Variants in MYO15B observed in about 807,000 individuals in gnomAD.
The protein encoded by MYO15B is myosin XVB.
MYO15B carries 207 observed loss-of-function variants against 119.3 expected under a neutral mutation model. The ratio of observed to expected loss-of-function variants is 1.73; its 90% CI spans 1.55 to 1.95. The LOEUF (loss-of-function observed/expected upper bound fraction) is 1.95, where lower values mean the gene tolerates loss of function less well. Ranked by LOEUF, MYO15B falls within the 30% of genes most tolerant of loss-of-function variation. The pLI is 0.00. For missense variants in MYO15B, 2,264 were observed against 1,203.1 expected (o/e 1.88, Z -13.04); for synonymous variants, 966 against 498.9 (o/e 1.94, Z -12.48).
At chr17:75,620,739 C>A (rs1199306349) in intron 49 of MYO15B, 103 bp downstream of exon 49, 4 of 695,560 alleles carry the variant, frequency 5.8e-6, no homozygotes, top group Non-Finnish European at 1.1e-5. Flanking sequence ...TGGGACCACC[C>A]TGCTGTCCGT....
chr17:75,618,097 G>A (rs1167240465), intron 42 of MYO15B, 29 bp from the exon 43 acceptor site: 26 of 702,828 alleles, frequency 3.7e-5, no homozygotes, highest in South Asian at 2.7e-4. Flanking sequence ...CAGACCCACC[G>A]ATCTTTGCCC....
rs2058917371 is a variant in MYO15B, at chr17:75,624,657, G to A, written c.8542+18G>A. 4.3e-6 allele frequency: 3 copies of A among 703,016 alleles called. No individual in the cohort carries two copies. Among genetic ancestry groups the A allele is most frequent in the East Asian group, 5.4e-5 (2 of 37,286 alleles). The allele number at this position is 703,016 out of a possible 1,614,324, so 43.5% of individuals were successfully genotyped here. The stretch of plus-strand genomic sequence containing the variant: ...AGAGAAGAGTAAGCTTGGGGACGGA[G>A]CCTCACGGTGGGGCCACTCCCCTGC... On this transcript the variant is annotated intron_variant, in intron 58 of 63. Transcript: ENST00000645453.
intron 52 of MYO15B, chr17:75,621,771 TGGAA>T: frequency 1.7e-6 from 1 of 601,038 alleles, no homozygotes. Context: ...AGTCTGGGGT[TGGAA>T]GGCAGTCCAT....
At chr17:75,617,779 C>A (rs1363328485) in intron 41 of MYO15B, 31 bp from the exon 42 acceptor site, 1 of 690,612 alleles carries the variant, frequency 1.4e-6, no homozygotes, top group Admixed American at 2.0e-5. Context: ...CAGCCCCTCA[C>A]TGAGGCTCCT....
At chr17:75,596,323 T>G in intron 12 of MYO15B, 137 bp from the exon 13 acceptor site, 2 of 618,580 alleles carry the variant, frequency 3.2e-6, no homozygotes, top group Non-Finnish European at 5.8e-6. Context: ...CCGGATCCTT[T>G]AGACTTGACC....
At chr17:75,621,197 CCT>C (rs1242491583) in intron 50 of MYO15B, 21 bp downstream of exon 50, 3 of 676,958 alleles carry the variant, frequency 4.4e-6, no homozygotes, top group South Asian at 1.6e-5. Context: ...TGGGCCAACC[CCT>C]GTGCCTGTCT....
chr17:75,610,373 G>T (rs937719659), intron 22 of MYO15B, 114 bp downstream of exon 22: 4 of 568,362 alleles, frequency 7.0e-6, no homozygotes, highest in Admixed American at 3.0e-5. Context: ...ACGGGCTGTG[G>T]CTTCAGACAC....
At chr17:75,619,173 A>G (rs754096118) in exon 44 of MYO15B, 2 of 702,640 alleles carry the variant, frequency 2.8e-6, no homozygotes, top group South Asian at 3.0e-5. Flanking sequence ...CGAGTCCTGT[A>G]TCCGGATTTC....
chr17:75,622,124 C>CT, intron 53 of MYO15B, 44 bp downstream of exon 53: 1 of 699,802 alleles, frequency 1.4e-6, no homozygotes, highest in East Asian at 2.7e-5. Context: ...GCCTGTCCTC[C>CT]TGTCTGGGCC....
chr17:75,616,573 T>C, exon 39 of MYO15B: 1 of 702,936 alleles, frequency 1.4e-6, no homozygotes, highest in Non-Finnish European at 2.6e-6. Flanking sequence ...TGAAGCAAGG[T>C]GGGGCCAAAG....
chr17:75,616,759 C>CGTGCCT (rs1568202632), exon 39 of MYO15B: 1 of 703,018 alleles, frequency 1.4e-6, no homozygotes, highest in Non-Finnish European at 2.6e-6. Flanking sequence ...GCCCGGGCCC[C>CGTGCCT]GTGCCTGTGC....
chr17:75,596,349 C>T (rs1416899008), intron 12 of MYO15B, 111 bp from the exon 13 acceptor site: 3 of 639,978 alleles, frequency 4.7e-6, no homozygotes, highest in Middle Eastern at 2.5e-4. Flanking sequence ...GGCTACACAG[C>T]ATCAGCCCTG....
chr17:75,619,882 T>C (rs820150), exon 47 of MYO15B: 239,414 of 701,450 alleles, frequency 0.34, 42,497 homozygotes, highest in Middle Eastern at 0.43. Flanking sequence ...TGCGCAGCTT[T>C]GCGGAGGTGC....
intron 60 of MYO15B, 65 bp from the exon 61 acceptor site, chr17:75,625,462 G>T: frequency 1.4e-6 from 1 of 695,692 alleles, no homozygotes; most frequent in Non-Finnish European, 2.6e-6. Context: ...TATTTGGCAC[G>T]TGCTGTATGC....
chr17:75,595,013 A>G, intron 12 of MYO15B, 41 bp downstream of exon 12: 1 of 697,932 alleles, frequency 1.4e-6, no homozygotes, highest in Non-Finnish European at 2.6e-6. Flanking sequence ...GGGCACCCAT[A>G]TAATTCCGAT....
intron 53 of MYO15B, among the ~76,000 whole-genome samples, chr17:75,622,967 G>T (rs2058792748): frequency 6.6e-6 from 1 of 152,192 alleles, no homozygotes; most frequent in Non-Finnish European, 1.5e-5. Context: ...CAGACAGAGA[G>T]AGGTTCAAGG....
chr17:75,603,430 C>T (rs1249281190), intron 19 of MYO15B, 118 bp downstream of exon 19: 3 of 620,210 alleles, frequency 4.8e-6, no homozygotes, highest in Non-Finnish European at 8.6e-6. Context: ...GCCTAGCACC[C>T]AACCCTCCCT....
At chr17:75,614,733 C>T (rs764414514) in intron 31 of MYO15B, 40 bp from the exon 32 acceptor site, 11 of 702,628 alleles carry the variant, frequency 1.6e-5, no homozygotes, top group African/African-American at 7.0e-5. Context: ...GGAAGCCCCA[C>T]GCCCCGGGCC....
intron 58 of MYO15B, 34 bp downstream of exon 58, chr17:75,624,673 A>G (rs1347218452): frequency 4.3e-6 from 3 of 702,620 alleles, no homozygotes; most frequent in East Asian, 2.7e-5. Flanking sequence ...CGGTGGGGCC[A>G]CTCCCCTGCC....
Sources: allele counts gnomAD v4.1 joint callset (sites outside exome capture counted in the v4.1 genomes callset), GRCh38; gene constraint gnomAD v4.1.1; transcripts MANE v1.5; gene names NCBI Gene and HGNC (gene_info 2026-07-23, HGNC 2026-07-21).